Variants in NUP155 observed in about 807,000 individuals in gnomAD.
The protein encoded by NUP155 is nucleoporin 155, also known as nuclear pore complex protein Nup155.
NUP155 carries 71 observed loss-of-function variants against 180.4 expected under a neutral mutation model. The ratio of observed to expected loss-of-function variants is 0.39; its 90% CI spans 0.33 to 0.48. NUP155 has a LOEUF of 0.48. Among genes scored for constraint, NUP155 ranks in the 20% least tolerant of loss-of-function variants. The probability of loss-of-function intolerance (pLI) is 0.91; values close to 1 mark genes in which losing one functional copy is unlikely to be tolerated. For synonymous variants in NUP155, 582 were observed against 559.5 expected, an observed-to-expected ratio of 1.04 and a Z score of -0.57; for missense variants, 1,553 against 1,648.9, an observed-to-expected ratio of 0.94 and a Z score of 1.01.
At position 37,323,992 on chromosome 5, in the gene NUP155, T is replaced by C; in HGVS notation, c.2207A>G (p.Asn736Ser). The change falls in exon 20 of 35, where the codon AAT (asparagine) becomes AGT (serine). Residue 736 changes from asparagine (N) to serine (S), a missense_variant and splice_region_variant. Coordinates refer to ENST00000231498, the MANE Select transcript of NUP155 (RefSeq NM_153485.3). The stretch of plus-strand genomic sequence containing the variant: ...ATTAATAAACCCTATTTATTCTTAC[T>C]TTGGATTTCCTAATGGTCCTCCTGC... ...QFAGGPLGNP[N>S]TTAKVQQRLI... The C allele has an allele frequency of 6.3e-7, 1 of 1,580,298 alleles. No individual in the cohort carries two copies. The highest frequency in any genetic ancestry group is 8.7e-7 in the Non-Finnish European group (1 of 1,149,306).
intron 27 of NUP155, among the ~76,000 whole-genome samples, chr5:37,304,273 AGGGAAATTTACTAT>A (rs1743029661): frequency 2.4e-5 from 2 of 82,644 alleles, no homozygotes; most frequent in Non-Finnish European, 2.1e-5. Context: ...AAAAAAAAAA[AGGGAAATTTACTAT>A]AAAATTACAA....
chr5:37,293,351 T>G (rs1009633115), intron 33 of NUP155, among the ~76,000 whole-genome samples: 2 of 152,136 alleles, frequency 1.3e-5, no homozygotes, highest in African/African-American at 4.8e-5. Context: ...ATAAAGAGAC[T>G]AAACTAGCAG....
At chr5:37,328,519 T>C (rs943626939) in intron 16 of NUP155, 99 bp from the exon 17 acceptor site, 25 of 904,672 alleles carry the variant, frequency 2.8e-5, no homozygotes, top group Non-Finnish European at 3.7e-5. Flanking sequence ...TTTTTCTTTT[T>C]TTGAGGCAGG....
intron 25 of NUP155, among the ~76,000 whole-genome samples, chr5:37,305,708 A>G (rs1743115631): frequency 6.6e-6 from 1 of 151,810 alleles, no homozygotes; most frequent in Admixed American, 6.6e-5. Context: ...AAACAAAACA[A>G]AACGAAACAA....
intron 13 of NUP155, among the ~76,000 whole-genome samples, chr5:37,333,209 GC>G (rs1230804961): frequency 1.3e-5 from 2 of 151,056 alleles, no homozygotes; most frequent in Admixed American, 1.3e-4. Context: ...ACAAAAATTA[GC>G]CAGGTGTGGT....
chr5:37,355,251 T>C (rs1348570567), intron 4 of NUP155, among the ~76,000 whole-genome samples: 1 of 152,130 alleles, frequency 6.6e-6, no homozygotes, highest in Non-Finnish European at 1.5e-5. Context: ...CTCACATCTG[T>C]AATACCAGGA....
intron 8 of NUP155, 61 bp from the exon 9 acceptor site, chr5:37,348,657 C>T: frequency 1.0e-6 from 1 of 969,100 alleles, no homozygotes; most frequent in Non-Finnish European, 1.7e-6. Context: ...TATTATTAAA[C>T]TCTTTCTTTT....
intron 4 of NUP155, among the ~76,000 whole-genome samples, chr5:37,357,399 C>CAAAAAAAAAAAAAA (rs397997409): frequency 3.2e-5 from 1 of 31,300 alleles, no homozygotes; most frequent in Non-Finnish European, 5.2e-5. Context: ...ACCTTAATCT[C>CAAAAAAAAAAAAAA]AAAAAAAAAA....
At chr5:37,325,259 A>T (rs1744514722) in intron 19 of NUP155, among the ~76,000 whole-genome samples, 1 of 152,192 alleles carries the variant, frequency 6.6e-6, no homozygotes, top group South Asian at 2.1e-4. Context: ...ATGTCAAAGT[A>T]TTACATAGTA....
chr5:37,355,075 G>A (rs907080346), intron 4 of NUP155, among the ~76,000 whole-genome samples: 1 of 150,820 alleles, frequency 6.6e-6, no homozygotes, highest in African/African-American at 2.4e-5. Context: ...CTGGGCGACA[G>A]AATGAGACTC....
At chr5:37,345,510 CAAAAAA>C (rs570982659) in intron 9 of NUP155, among the ~76,000 whole-genome samples, 4 of 67,130 alleles carry the variant, frequency 6.0e-5, no homozygotes, top group South Asian at 1.1e-3. Context: ...GACTCCATTT[CAAAAAA>C]AAAAAAAAAA....
chr5:37,319,814 T>A (rs1171604061), intron 20 of NUP155, among the ~76,000 whole-genome samples: 1 of 152,092 alleles, frequency 6.6e-6, no homozygotes, highest in Non-Finnish European at 1.5e-5. Flanking sequence ...AAAGTTGCGG[T>A]GAGCCGTGAT....
At chr5:37,358,002 G>T in intron 4 of NUP155, 79 bp downstream of exon 4, 1 of 996,580 alleles carries the variant, frequency 1.0e-6, no homozygotes, top group Non-Finnish European at 1.6e-6. Flanking sequence ...CGAAAAAAAT[G>T]TGTGTTGTTG....
chr5:37,338,232 G>A (rs1425165586), intron 11 of NUP155, among the ~76,000 whole-genome samples: 1 of 149,950 alleles, frequency 6.7e-6, no homozygotes, highest in African/African-American at 2.5e-5. Context: ...GCAGGAGAAT[G>A]GCGTGAACGC....
intron 19 of NUP155, 147 bp downstream of exon 19, chr5:37,325,754 G>T: frequency 1.7e-6 from 1 of 576,020 alleles, no homozygotes; most frequent in African/African-American, 2.4e-5. Flanking sequence ...GGGAGACAGA[G>T]CAGGACTCTG....
chr5:37,330,607 A>G (rs1416976871), intron 14 of NUP155, among the ~76,000 whole-genome samples: 2 of 152,178 alleles, frequency 1.3e-5, no homozygotes, highest in Non-Finnish European at 2.9e-5. Flanking sequence ...CTTTGAATCC[A>G]GAGTCTGTAT....
chr5:37,317,688 CTTTTT>C (rs374997987), intron 21 of NUP155, among the ~76,000 whole-genome samples: 2 of 131,314 alleles, frequency 1.5e-5, no homozygotes, highest in Non-Finnish European at 3.1e-5. Context: ...CCCAATCACA[CTTTTT>C]TTTTTTTTTT....
At chr5:37,362,258 G>A (rs1322581956) in intron 3 of NUP155, among the ~76,000 whole-genome samples, 1 of 151,718 alleles carries the variant, frequency 6.6e-6, no homozygotes, top group African/African-American at 2.4e-5. Flanking sequence ...AAATATGTTG[G>A]ATGTTAATGG....
At chr5:37,303,553 A>C (rs1742979242) in intron 27 of NUP155, 139 bp from the exon 28 acceptor site, 1 of 723,346 alleles carries the variant, frequency 1.4e-6, no homozygotes, top group Non-Finnish European at 2.3e-6. Flanking sequence ...ATCCAATACT[A>C]ACAGATAAAA....
Sources: gnomAD v4.1 joint callset for allele counts (sites outside exome capture counted in the v4.1 genomes callset) on GRCh38, gnomAD v4.1.1 for gene constraint, MANE v1.5 for transcripts, NCBI Gene and HGNC (gene_info 2026-07-23, HGNC 2026-07-21) for gene names.